Variants in GPHN observed in about 807,000 individuals in gnomAD.
GPHN encodes gephyrin.
A neutral mutation model predicts 95.5 loss-of-function variants in GPHN; 17 were observed. The observed-to-expected ratio is 0.18, with a 90% CI of 0.12 to 0.27. The LOEUF (loss-of-function observed/expected upper bound fraction) is 0.27, where lower values mean the gene tolerates loss of function less well. Among genes scored for constraint, GPHN ranks in the 10% least tolerant of loss-of-function variants. The pLI is 1.00. For missense variants in GPHN, 660 were observed against 978.1 expected, an observed-to-expected ratio of 0.67 and a Z score of 4.34; for synonymous variants, 320 against 322.5, an observed-to-expected ratio of 0.99 and a Z score of 0.08.
the GPHN span, chr14:67,651,587 T>A: frequency 7.7e-7 from 1 of 1,290,902 alleles, no homozygotes; most frequent in Non-Finnish European, 1.1e-6. Flanking sequence ...TGAGGCTGTA[T>A]GTTTGATCAC....
chr14:67,220,805 T>G, the GPHN span, among the ~76,000 whole-genome samples: 2 of 152,232 alleles, frequency 1.3e-5, no homozygotes, highest in African/African-American at 4.8e-5. Flanking sequence ...ACTATATGAA[T>G]ATTTGCAAAC....
the GPHN span, among the ~76,000 whole-genome samples, chr14:67,295,918 G>C: frequency 1.3e-5 from 2 of 152,140 alleles, no homozygotes; most frequent in Non-Finnish European, 2.9e-5. Context: ...GATGTTCATA[G>C]CAACCAGATA....
the GPHN span, among the ~76,000 whole-genome samples, chr14:67,287,531 A>C: frequency 6.6e-6 from 1 of 152,366 alleles, no homozygotes; most frequent in African/African-American, 2.4e-5. Context: ...ACCAGATCCC[A>C]AAAATTAAAA....
At chr14:67,096,562 A>G (rs778175803) in intron 12 of GPHN, among the ~76,000 whole-genome samples, 4 of 151,930 alleles carry the variant, frequency 2.6e-5, no homozygotes, top group African/African-American at 4.8e-5. Context: ...CTTAGGCACT[A>G]TGCTAGACAG....
At chr14:66,876,710 C>A (rs959611113) in intron 4 of GPHN, among the ~76,000 whole-genome samples, 2 of 152,036 alleles carry the variant, frequency 1.3e-5, no homozygotes, top group Non-Finnish European at 2.9e-5. Flanking sequence ...AGTCAAATCC[C>A]TGACTAGACC....
intron 13 of GPHN, among the ~76,000 whole-genome samples, chr14:67,109,195 T>C (rs947708680): frequency 2.6e-5 from 4 of 152,232 alleles, no homozygotes; most frequent in African/African-American, 9.6e-5. Flanking sequence ...CAGTCCAACA[T>C]TGAGCAAACT....
chr14:66,534,623 T>C (rs922374886), intron 1 of GPHN, among the ~76,000 whole-genome samples: 1 of 152,196 alleles, frequency 6.6e-6, no homozygotes, highest in African/African-American at 2.4e-5. Context: ...TGTTGGATGG[T>C]TGTCTTCCAA....
At chr14:66,664,658 C>A (rs1414454695) in intron 1 of GPHN, among the ~76,000 whole-genome samples, 1 of 151,432 alleles carries the variant, frequency 6.6e-6, no homozygotes, top group East Asian at 1.9e-4. Flanking sequence ...GAGGTAGAGA[C>A]AAGAAAAGCC....
At chr14:67,509,078 CCAAA>C in the GPHN span, among the ~76,000 whole-genome samples, 1 of 151,940 alleles carries the variant, frequency 6.6e-6, no homozygotes, top group Non-Finnish European at 1.5e-5. Context: ...AAAATGTTGC[CCAAA>C]CAGACCGTTA....
the GPHN span, among the ~76,000 whole-genome samples, chr14:67,442,521 G>A: frequency 6.6e-6 from 1 of 152,148 alleles, no homozygotes; most frequent in Non-Finnish European, 1.5e-5. Flanking sequence ...TCCAAAGAAG[G>A]TGACTACCAA....
the GPHN span, among the ~76,000 whole-genome samples, chr14:67,426,188 A>C: frequency 6.6e-6 from 1 of 152,226 alleles, no homozygotes; most frequent in African/African-American, 2.4e-5. Flanking sequence ...TTTCCTGCGG[A>C]GAGACAAGCA....
At chr14:66,669,289 A>T (rs1332793140) in intron 1 of GPHN, among the ~76,000 whole-genome samples, 1 of 150,866 alleles carries the variant, frequency 6.6e-6, no homozygotes, top group Non-Finnish European at 1.5e-5. Flanking sequence ...GCTTGAACCC[A>T]GGAGGCGGAG....
Position 67,113,259 on chromosome 14 carries a change from T to G in GPHN, c.1626+88T>G, listed in dbSNP as rs572293570. 4 of 1,193,892 alleles carry G rather than the reference T, an allele frequency of 3.4e-6. No homozygotes were observed. In the South Asian group the frequency reaches 3.7e-5, roughly 11 times the overall value. 74.0% of individuals were successfully genotyped at this position (1,193,892 alleles called of 1,614,324 possible). On this transcript the variant is annotated intron_variant, in intron 16 of 22. Transcript: ENST00000478722. ...TATGTTCTGTGTTGTAAATAGAATG[T>G]TGTAGATTATAGATCATACCAGTGG... is the stretch of plus-strand genomic sequence containing the variant.
chr14:67,040,618 C>T (rs975424286), intron 10 of GPHN, among the ~76,000 whole-genome samples: 1 of 152,136 alleles, frequency 6.6e-6, no homozygotes, highest in Non-Finnish European at 1.5e-5. Flanking sequence ...TCTCTGTAGA[C>T]TCCTTTAATA....
At chr14:67,133,041 C>T (rs1454457382) in intron 17 of GPHN, among the ~76,000 whole-genome samples, 2 of 151,926 alleles carry the variant, frequency 1.3e-5, no homozygotes, top group Non-Finnish European at 2.9e-5. Flanking sequence ...ACTCCATGGT[C>T]CCAGAACACC....
the GPHN span, chr14:67,203,068 C>T: frequency 5.7e-5 from 92 of 1,603,644 alleles, no homozygotes; most frequent in South Asian, 8.9e-5. Flanking sequence ...CATCATATAA[C>T]GCCTTTTCCT....
intron 1 of GPHN, among the ~76,000 whole-genome samples, chr14:66,673,136 G>A (rs1473394819): frequency 2.0e-5 from 3 of 151,474 alleles, no homozygotes; most frequent in South Asian, 2.1e-4. Flanking sequence ...TCTGTCTCCC[G>A]GGCTGGAGTA....
intron 17 of GPHN, among the ~76,000 whole-genome samples, chr14:67,127,453 A>T (rs2079398668): frequency 6.6e-6 from 1 of 152,224 alleles, no homozygotes; most frequent in Admixed American, 6.5e-5. Context: ...GGAAATAAGG[A>T]GAACAATACA....
intron 5 of GPHN, among the ~76,000 whole-genome samples, chr14:66,900,200 G>A (rs1010526668): frequency 6.6e-6 from 1 of 151,246 alleles, no homozygotes; most frequent in Non-Finnish European, 1.5e-5. Context: ...CAAGCTTTTT[G>A]TTTCATTGAC....
Sources: allele counts gnomAD v4.1 joint callset (sites outside exome capture counted in the v4.1 genomes callset), GRCh38; gene constraint gnomAD v4.1.1; transcripts MANE v1.5; gene names NCBI Gene and HGNC (gene_info 2026-07-23, HGNC 2026-07-21).